The following TTC34 variants were observed in gnomAD, a reference collection of about 807,000 sequenced individuals.
TTC34 encodes tetratricopeptide repeat domain 34.
TTC34 carries 44 observed loss-of-function variants against 40.7 expected under a neutral mutation model. The observed-to-expected ratio is 1.08, with a 90% CI of 0.85 to 1.39. The LOEUF (loss-of-function observed/expected upper bound fraction) is 1.39. TTC34 is among the 40% of genes most tolerant of loss of function. The probability of loss-of-function intolerance (pLI) is 0.00; values close to 1 mark genes in which losing one functional copy is unlikely to be tolerated. For synonymous variants in TTC34, 422 were observed against 398.6 expected, an observed-to-expected ratio of 1.06 and a Z score of -0.70; for missense variants, 884 against 838.0, an observed-to-expected ratio of 1.05 and a Z score of -0.68.
intron 6 of TTC34, among the ~76,000 whole-genome samples, chr1:2,755,774 G>A (rs71503037): frequency 2.9e-5 from 4 of 139,420 alleles, no homozygotes; most frequent in Admixed American, 7.5e-5. Context: ...GCCTGGAACG[G>A]CACCCACACC....
intron 6 of TTC34, among the ~76,000 whole-genome samples, chr1:2,695,128 C>T (rs1640802884): frequency 8.2e-6 from 1 of 121,768 alleles, no homozygotes; most frequent in African/African-American, 2.9e-5. Context: ...AGATGAGCAT[C>T]TGACAGCGTG....
At chr1:2,799,552 A>T (rs980959181) in intron 2 of TTC34, among the ~76,000 whole-genome samples, 3 of 152,120 alleles carry the variant, frequency 2.0e-5, no homozygotes, top group Non-Finnish European at 1.5e-5. Flanking sequence ...TCAAAAAAAA[A>T]AATGCAGCTC....
chr1:2,748,358 ACCCCCAGGGGAG>A (rs1641215011), intron 6 of TTC34, among the ~76,000 whole-genome samples: 2 of 48,802 alleles, frequency 4.1e-5, no homozygotes, highest in Non-Finnish European at 1.1e-4. Flanking sequence ...CAGCACCCAC[ACCCCCAGGGGAG>A]CATCTGACAT....
chr1:2,758,204 A>C (rs1641569889), intron 6 of TTC34, among the ~76,000 whole-genome samples: 5 of 126,156 alleles, frequency 4.0e-5, no homozygotes, highest in Non-Finnish European at 3.5e-5. Context: ...CCCCCAGGTG[A>C]GCAACTGACA....
intron 6 of TTC34, among the ~76,000 whole-genome samples, chr1:2,687,527 C>G (rs535585720): frequency 2.8e-4 from 42 of 148,186 alleles, no homozygotes; most frequent in African/African-American, 1.1e-3. Context: ...CACCCACACC[C>G]CCAGGTGAGC....
intron 6 of TTC34, chr1:2,775,609 C>G (rs1224261970): frequency 2.0e-5 from 3 of 148,942 alleles, no homozygotes; most frequent in East Asian, 1.9e-4. Context: ...GGTGATGTGA[C>G]TGCGTGGAAC....
intron 6 of TTC34, among the ~76,000 whole-genome samples, chr1:2,769,923 G>GC (rs1642019414): frequency 6.8e-5 from 2 of 29,218 alleles, no homozygotes; most frequent in African/African-American, 1.9e-4. Flanking sequence ...CCCCAGGTGA[G>GC]ATCTGACAGC....
chr1:2,651,509 C>T (rs530322013), intron 6 of TTC34, among the ~76,000 whole-genome samples: 2 of 151,972 alleles, frequency 1.3e-5, no homozygotes, highest in Non-Finnish European at 2.9e-5. Flanking sequence ...CCTAGAATGG[C>T]ACCACCACAC....
chr1:2,758,715 ACCCCCAGGCGAG>A (rs1641592860), intron 6 of TTC34, among the ~76,000 whole-genome samples: 1 of 74,712 alleles, frequency 1.3e-5, no homozygotes, highest in Non-Finnish European at 2.4e-5. Flanking sequence ...GAGCAACCAC[ACCCCCAGGCGAG>A]CATCTGACAG....
chr1:2,695,612 G>A lies in TTC34; in HGVS notation c.2227-50049C>T, dbSNP rs1640826401. ...GCACCCACACTCCAGGTGAGCATCT[G>A]ACAGCCTGAAGCAGCACCCACACCA... On this transcript the variant is annotated intron_variant, in intron 6 of 8. Coordinates refer to ENST00000401095, the Ensembl canonical transcript of TTC34. 2.4e-5 allele frequency among the ~76,000 whole-genome samples: 2 copies of A among 81,728 alleles called. 1 individual carries two copies. Among genetic ancestry groups the A allele is most frequent in the Admixed American group, 2.5e-4 (2 of 7,900 alleles). 53.6% of individuals were successfully genotyped at this position (81,728 alleles called of 152,430 possible). A position where few individuals can be genotyped will look rare whatever the true frequency, so the allele number is the denominator to read the frequency against.
At chr1:2,686,635 C>A (rs1467950467) in intron 6 of TTC34, among the ~76,000 whole-genome samples, 1 of 137,194 alleles carries the variant, frequency 7.3e-6, no homozygotes, top group Non-Finnish European at 1.6e-5. Flanking sequence ...TGTAACAGCA[C>A]CCACACACCC....
intron 6 of TTC34, among the ~76,000 whole-genome samples, chr1:2,686,697 G>C (rs573382468): frequency 7.3e-4 from 48 of 65,478 alleles, no homozygotes; most frequent in East Asian, 2.7e-3. Flanking sequence ...AGGTGCGCAC[G>C]TGACAGCCTG....
At chr1:2,643,329 C>T (rs1280314171) in intron 8 of TTC34, among the ~76,000 whole-genome samples, 1 of 152,216 alleles carries the variant, frequency 6.6e-6, no homozygotes, top group Non-Finnish European at 1.5e-5. Flanking sequence ...CAGATTCTTG[C>T]CTGTGCCGGG....
chr1:2,792,353 C>T (rs1286940257), intron 2 of TTC34, among the ~76,000 whole-genome samples: 2 of 152,098 alleles, frequency 1.3e-5, no homozygotes, highest in East Asian at 1.9e-4. Flanking sequence ...TCAGTTCAAT[C>T]GTTAGGTCCA....
intron 6 of TTC34, among the ~76,000 whole-genome samples, chr1:2,687,396 G>T (rs1245283915): frequency 6.6e-6 from 1 of 151,088 alleles, no homozygotes; most frequent in Non-Finnish European, 1.5e-5. Context: ...GCCTGGAACG[G>T]CACCCACACC....
rs1397531529 is a variant in TTC34 at position 2,692,380 on chromosome 1, A to G, written c.2227-46817T>C. ...CATCTGACAGCCTGGAGCAGCGTCC[A>G]CACCCCCAGGTGAGCATCTGGCAGC... On this transcript the variant is annotated intron_variant, in intron 6 of 8. Transcript: ENST00000401095. Among the ~76,000 whole-genome samples the G allele has an allele frequency of 7.0e-5, 5 of 71,450 alleles. 1 individual carries two copies. The highest frequency in any genetic ancestry group is 2.4e-4 in the African/African-American group (5 of 21,084). 46.9% of individuals were successfully genotyped at this position (71,450 alleles called of 152,430 possible).
chr1:2,675,643 C>CAA (rs1639885421), intron 6 of TTC34, among the ~76,000 whole-genome samples: 1 of 99,300 alleles, frequency 1.0e-5, no homozygotes, highest in South Asian at 2.8e-4. Context: ...GCACCCCACA[C>CAA]CCCCAGGTGA....
At chr1:2,677,768 A>T (rs1379450038) in intron 6 of TTC34, among the ~76,000 whole-genome samples, 2 of 82,972 alleles carry the variant, frequency 2.4e-5, no homozygotes, top group African/African-American at 4.4e-5. Flanking sequence ...AACAGCACCC[A>T]CACCCCCAGG....
intron 6 of TTC34, among the ~76,000 whole-genome samples, chr1:2,685,679 C>A (rs1570811761): frequency 4.4e-5 from 5 of 112,692 alleles, no homozygotes; most frequent in East Asian, 2.7e-4. Flanking sequence ...GAACCCACAC[C>A]CCCAGGCGAG....
Sources: gnomAD v4.1 joint callset for allele counts (sites outside exome capture counted in the v4.1 genomes callset) on GRCh38, gnomAD v4.1.1 for gene constraint, MANE v1.5 for transcripts, NCBI Gene and HGNC (gene_info 2026-07-23, HGNC 2026-07-21) for gene names.